The following POLN variants were observed in gnomAD, a reference collection of about 807,000 sequenced individuals.
POLN encodes the protein DNA polymerase nu.
POLN carries 108 observed loss-of-function variants against 113.5 expected under a neutral mutation model. The observed-to-expected ratio is 0.95, with a 90% CI of 0.81 to 1.12. POLN has a LOEUF of 1.12. Among genes scored for constraint, POLN ranks in the 50% most tolerant of loss-of-function variants. The pLI, the probability that POLN is intolerant of heterozygous loss-of-function variation, is 0.00. For synonymous variants in POLN, 386 were observed against 391.5 expected, an observed-to-expected ratio of 0.99 and a Z score of 0.17; for missense variants, 1,097 against 1,077.1, an observed-to-expected ratio of 1.02 and a Z score of -0.26.
chr4:2,149,559 T>C (rs144851277), intron 16 of POLN, among the ~76,000 whole-genome samples: 1 of 152,276 alleles, frequency 6.6e-6, no homozygotes, highest in Non-Finnish European at 1.5e-5. Context: ...TTGGAATCTA[T>C]GTTGCCCAGA....
At chr4:2,130,479 T>A (rs1021300950) in intron 17 of POLN, among the ~76,000 whole-genome samples, 1 of 152,200 alleles carries the variant, frequency 6.6e-6, no homozygotes, top group Admixed American at 6.5e-5. Context: ...ATTTGAACTT[T>A]TTCTTTTTTA....
intron 4 of POLN, among the ~76,000 whole-genome samples, chr4:2,210,196 T>G (rs1480980345): frequency 6.6e-6 from 1 of 151,802 alleles, no homozygotes; most frequent in Non-Finnish European, 1.5e-5. Context: ...AAAAATTCCA[T>G]GGAGGAGTAA....
At position 2,123,904 on chromosome 4, in the gene POLN, T is replaced by G. The variant is rs188303632; in HGVS notation, c.1982+4209A>C. 2.6e-5 allele frequency among the ~76,000 whole-genome samples: 4 copies of G among 152,208 alleles called. No individual in the cohort carries two copies. The East Asian group carries it at 7.7e-4, about 29-fold the overall frequency. On this transcript the variant is annotated intron_variant, in intron 19 of 25. Coordinates refer to ENST00000511885, the MANE Select transcript of POLN (RefSeq NM_181808.4). Reference sequence around the variant, plus strand: ...TGACAAAAAGTGGAAACAACCCAAATGTCCATCAAAGGACATTTGATGAAT... The same window carrying G: ...TGACAAAAAGTGGAAACAACCCAAAGGTCCATCAAAGGACATTTGATGAAT...
chr4:2,186,649 A>G (rs1363526699), intron 7 of POLN, among the ~76,000 whole-genome samples: 3 of 152,228 alleles, frequency 2.0e-5, no homozygotes, highest in African/African-American at 4.8e-5. Flanking sequence ...TAAAAAACCA[A>G]AACAAACCAG....
intron 7 of POLN, among the ~76,000 whole-genome samples, chr4:2,185,791 G>A (rs1733258286): frequency 6.6e-6 from 1 of 151,928 alleles, no homozygotes; most frequent in Non-Finnish European, 1.5e-5. Context: ...ACGGGCTTTG[G>A]GCCCCAGTTA....
At chr4:2,190,664 C>T (rs756151263) in intron 7 of POLN, among the ~76,000 whole-genome samples, 1 of 152,058 alleles carries the variant, frequency 6.6e-6, no homozygotes, top group African/African-American at 2.4e-5. Flanking sequence ...ATAAAAGGAA[C>T]TCAAACAGCT....
In POLN at chr4:2,176,316, T is replaced by C. The variant is rs1732995083; in HGVS notation, c.1198A>G (p.Asn400Asp). ...RNIVNQNVRE[N>D]LKTLYRLTMD... ...GTAAGTCTGTAGAGTGTCTTCAGGT[T>C]CTCACGTACATTCTGATTCTTTAAA... The change falls in exon 9 of 26, where the codon AAC becomes GAC. Residue 400 changes from asparagine to aspartate, a missense_variant. Asn to Asp is a conservative substitution (Grantham distance 23). Coordinates refer to ENST00000511885, the MANE Select transcript of POLN (RefSeq NM_181808.4). 6.3e-7 allele frequency: 1 copy of C among 1,598,670 alleles called. No individual in the cohort carries two copies. The highest frequency in any genetic ancestry group is 2.3e-5 in the East Asian group (1 of 44,320).
At chr4:2,112,822 G>C (rs541116828) in intron 19 of POLN, among the ~76,000 whole-genome samples, 1 of 152,332 alleles carries the variant, frequency 6.6e-6, no homozygotes, top group Non-Finnish European at 1.5e-5. Context: ...GTGGAAGTCA[G>C]TGTGGCGATT....
chr4:2,225,845 T>A (rs1560100093), intron 3 of POLN, among the ~76,000 whole-genome samples: 1 of 151,294 alleles, frequency 6.6e-6, no homozygotes, highest in African/African-American at 2.4e-5. Flanking sequence ...CACACAAAAA[T>A]AAAAAATTAG....
chr4:2,212,772 C>T (rs913734412), intron 4 of POLN, among the ~76,000 whole-genome samples: 8 of 152,122 alleles, frequency 5.3e-5, no homozygotes, highest in African/African-American at 1.7e-4. Flanking sequence ...CTCTTCTCCT[C>T]AACACCCAGG....
chr4:2,089,631 A>G, intron 20 of POLN: 1 of 869,568 alleles, frequency 1.2e-6, no homozygotes, highest in East Asian at 2.6e-5. Flanking sequence ...CCAACAAGCT[A>G]GTTAAGCACA....
intron 2 of POLN, chr4:2,241,127 A>ACT: frequency 1.9e-6 from 1 of 525,472 alleles, no homozygotes; most frequent in Admixed American, 3.8e-5. Flanking sequence ...TAGACCACAA[A>ACT]TATGACGACA....
intron 23 of POLN, among the ~76,000 whole-genome samples, chr4:2,077,882 G>A (rs1485734383): frequency 1.3e-5 from 2 of 152,214 alleles, no homozygotes; most frequent in Non-Finnish European, 2.9e-5. Flanking sequence ...GATGAATGCA[G>A]GGCCTTGGAT....
At chr4:2,087,963 G>A (rs971530272) in intron 20 of POLN, among the ~76,000 whole-genome samples, 1 of 152,098 alleles carries the variant, frequency 6.6e-6, no homozygotes, top group Non-Finnish European at 1.5e-5. Context: ...CTTCTGAGTA[G>A]CTACAGATGT....
intron 16 of POLN, among the ~76,000 whole-genome samples, chr4:2,146,398 C>G (rs1201516133): frequency 6.6e-6 from 1 of 152,166 alleles, no homozygotes; most frequent in Non-Finnish European, 1.5e-5. Flanking sequence ...ATCCCAGCTA[C>G]TTGGGAGGCT....
chr4:2,083,647 A>G (rs1315767583), intron 21 of POLN, among the ~76,000 whole-genome samples: 3 of 152,182 alleles, frequency 2.0e-5, no homozygotes, highest in African/African-American at 7.2e-5. Flanking sequence ...CTTTGTGGTG[A>G]TGCTCGCATG....
At chr4:2,233,568 T>A (rs918769176) in intron 2 of POLN, among the ~76,000 whole-genome samples, 3 of 152,088 alleles carry the variant, frequency 2.0e-5, no homozygotes, top group Non-Finnish European at 4.4e-5. Flanking sequence ...GTGTGGAAAA[T>A]TACAGACAAC....
At chr4:2,101,448 C>A in intron 19 of POLN, among the ~76,000 whole-genome samples, 1 of 152,304 alleles carries the variant, frequency 6.6e-6, no homozygotes, top group South Asian at 2.1e-4. Context: ...CTGCATGGCC[C>A]GGACGGGCTG....
Position 2,171,387 on chromosome 4 carries a change from TAA to T in POLN, c.1375-208_1375-207del, listed in dbSNP as rs57338564. 3.9e-3 allele frequency among the ~76,000 whole-genome samples: 341 copies of T among 88,340 alleles called. 2 individuals carry two copies. The highest frequency in any genetic ancestry group is 6.8e-3 in the Admixed American group (57 of 8,336). The allele number at this position is 88,340 out of a possible 152,430, so 58.0% of individuals were successfully genotyped here. A position where few individuals can be genotyped will look rare whatever the true frequency, so the allele number is the denominator to read the frequency against. On this transcript the variant is annotated intron_variant, in intron 11 of 25. Coordinates refer to ENST00000511885, the MANE Select transcript of POLN (RefSeq NM_181808.4). The stretch of plus-strand genomic sequence containing the variant: ...GGGCAACATAGTGCGACCCCACCAC[TAA>T]AAAAAAAAAAAAAAAAAAAAAATTA...
Sources: gnomAD v4.1 joint callset for allele counts (sites outside exome capture counted in the v4.1 genomes callset) on GRCh38, gnomAD v4.1.1 for gene constraint, MANE v1.5 for transcripts, NCBI Gene and HGNC (gene_info 2026-07-23, HGNC 2026-07-21) for gene names.